The following HK1 variants were observed in gnomAD, a reference collection of about 807,000 sequenced individuals.
HK1 encodes hexokinase 1.
A neutral mutation model predicts 91.6 loss-of-function variants in HK1; 28 were observed. The ratio of observed to expected loss-of-function variants is 0.31; its 90% confidence interval spans 0.23 to 0.42. HK1 has a LOEUF of 0.42. Among genes scored for constraint, HK1 ranks in the 10% least tolerant of loss-of-function variants. HK1 has a pLI of 1.00. For missense variants in HK1, 770 were observed against 1,219.8 expected (o/e 0.63, Z 5.49); for synonymous variants, 430 against 468.1 (o/e 0.92, Z 1.05).
chr10:69,304,088 G>A (rs1198970001), intron 5 of HK1, among the ~76,000 whole-genome samples: 1 of 152,094 alleles, frequency 6.6e-6, no homozygotes, highest in Non-Finnish European at 1.5e-5. Flanking sequence ...CTTTACAATA[G>A]TGATGTAATC....
intron 7 of HK1, among the ~76,000 whole-genome samples, chr10:69,374,169 C>A (rs73267653): frequency 0.039 from 5,945 of 152,262 alleles, 354 homozygotes; most frequent in African/African-American, 0.13. Flanking sequence ...TGGAATCTCT[C>A]GGCAGCTCCG....
intron 1 of HK1, chr10:69,278,662 T>C (rs1330508802): frequency 6.6e-6 from 1 of 152,230 alleles, no homozygotes; most frequent in Admixed American, 6.5e-5. Context: ...ACTGTGGTAG[T>C]CCTGGTGCCC....
intron 2 of HK1, among the ~76,000 whole-genome samples, chr10:69,348,202 TA>T (rs1212304665): frequency 3.1e-4 from 46 of 149,466 alleles, no homozygotes; most frequent in Admixed American, 9.4e-4. Flanking sequence ...AAAGGAGAAG[TA>T]AAAAAAAAAA....
intron 2 of HK1, among the ~76,000 whole-genome samples, chr10:69,353,617 CCA>C (rs1491510150): frequency 3.1e-5 from 3 of 97,138 alleles, no homozygotes; most frequent in African/African-American, 1.2e-4. Context: ...ACAAACAAAA[CCA>C]AAAAAAAAAA....
rs779550411 is a variant in HK1 at position 69,324,450 on chromosome 10, G to A, written c.63+5440G>A. On this transcript the variant is annotated intron_variant, in intron 1 of 17. Transcript: ENST00000359426. ...TACTAAAAATACAAAAAAGGTGCCA[G>A]ATGTGGTGGCTCATGCCTGTAGTCC... Among the ~76,000 whole-genome samples the A allele has an allele frequency of 1.3e-3, 192 of 152,116 alleles. 1 individual carries two copies. Among genetic ancestry groups the A allele is most frequent in the Non-Finnish European group, 1.7e-3 (113 of 68,026 alleles).
At chr10:69,274,141 T>C (rs1844321311) in intron 1 of HK1, among the ~76,000 whole-genome samples, 1 of 152,148 alleles carries the variant, frequency 6.6e-6, no homozygotes, top group Non-Finnish European at 1.5e-5. Context: ...CTGGATCAGT[T>C]CACTTTTCGT....
In HK1 at chr10:69,296,135, T is replaced by C. The variant is rs190022342; in HGVS notation, c.-67+455T>C. On this transcript the variant is annotated intron_variant, in intron 4 of 21. Transcript: ENST00000360289. ...AGATCTTTCCTGTCGACATATCCCA[T>C]TTAGCCCCAAATCAAAGAGTTTCCT... 30 of 194,240 alleles carry C rather than the reference T, an allele frequency of 1.5e-4. No individual in the cohort carries two copies. The East Asian group carries it at 3.5e-3, about 23-fold the overall frequency. The allele number at this position is 194,240 out of a possible 1,614,324, so 12.0% of individuals were successfully genotyped here.
At chr10:69,296,113 T>A (rs1454090965) in intron 4 of HK1, 1 of 206,406 alleles carries the variant, frequency 4.8e-6, no homozygotes, top group Non-Finnish European at 9.9e-6. Context: ...AAGTTTCAGA[T>A]CTTTCCTGTC....
Position 69,382,798 on chromosome 10 carries a change from G to A in HK1, c.1570+7G>A. The A allele has an allele frequency of 1.2e-6, 2 of 1,608,526 alleles. No individual in the cohort carries two copies. The highest frequency in any genetic ancestry group is 8.5e-7 in the Non-Finnish European group (1 of 1,178,428). ...AGAACTCCCGACGGGACCGGTGAGG[G>A]CCTGCTGGGGGCTGACATGCCTGTC... On this transcript the variant is annotated splice_region_variant and intron_variant, in intron 10 of 17. Coordinates refer to ENST00000359426, the MANE Select transcript of HK1 (RefSeq NM_000188.3).
chr10:69,319,122 A>T (rs1196363113), intron 1 of HK1, 112 bp downstream of exon 1: 1 of 1,273,776 alleles, frequency 7.9e-7, no homozygotes, highest in African/African-American at 1.5e-5. Flanking sequence ...CCGGGCCAGC[A>T]TCGAGTTGGA....
chr10:69,313,202 A>T (rs1846459304), upstream of HK1, among the ~76,000 whole-genome samples: 1 of 152,192 alleles, frequency 6.6e-6, no homozygotes, highest in East Asian at 1.9e-4. Flanking sequence ...AATTCCCATT[A>T]TTAGGAGCTG....
Position 69,380,376 on chromosome 10 carries a change from G to A in HK1, c.1265+281G>A, listed in dbSNP as rs989925548. 1.3e-5 allele frequency among the ~76,000 whole-genome samples: 2 copies of A among 152,138 alleles called. No individual in the cohort carries two copies. The highest frequency in any genetic ancestry group is 2.4e-5 in the African/African-American group (1 of 41,442). Reference sequence around the variant, plus strand: ...GCTTAGTTCTGGGCATAAGGTCAGCGTCGCCCCCTTGGGAAGTATCGCCCT... The same window carrying A: ...GCTTAGTTCTGGGCATAAGGTCAGCATCGCCCCCTTGGGAAGTATCGCCCT... On this transcript the variant is annotated intron_variant, in intron 9 of 17. Coordinates refer to ENST00000359426, the MANE Select transcript of HK1 (RefSeq NM_000188.3). The surrounding 1 kb of genome is among the most constrained non-coding windows in gnomAD (Gnocchi z 4.0).
At chr10:69,371,854 A>G (rs564565313) in intron 7 of HK1, among the ~76,000 whole-genome samples, 1 of 152,258 alleles carries the variant, frequency 6.6e-6, no homozygotes, top group Admixed American at 6.5e-5. Flanking sequence ...GATGGATGAG[A>G]GATGAGTGGG....
chr10:69,318,824 GGGAGGAGCCGGGGGAGGAGGAGGA>G (rs1846815723), exon 1 of HK1: 3 of 1,435,558 alleles, frequency 2.1e-6, no homozygotes, highest in African/African-American at 1.5e-5. Context: ...CGGGCCGAGG[GGGAGGAGCCGGGGGAGGAGGAGGA>G]GGAGGAGCCG....
chr10:69,329,307 C>T (rs1405571465), intron 1 of HK1, among the ~76,000 whole-genome samples: 3 of 151,986 alleles, frequency 2.0e-5, no homozygotes, highest in Non-Finnish European at 4.4e-5. Flanking sequence ...GGACTATAGG[C>T]GCATGCCACC....
rs114180147 is a variant in HK1, at chr10:69,326,863, G to A, written c.63+7853G>A. Among the ~76,000 whole-genome samples, 912 of 152,058 alleles carry A rather than the reference G, an allele frequency of 6.0e-3. 8 individuals are homozygous for A. The highest frequency in any genetic ancestry group is 0.031 in the Middle Eastern group (9 of 292). ...TTTATCTTTTCATGCATGTTTTTAC[G>A]CTTTTATTACATATGCATATGTCTA... On this transcript the variant is annotated intron_variant, in intron 1 of 17. Transcript: ENST00000359426.
At chr10:69,321,811 C>T (rs537381739) in intron 1 of HK1, among the ~76,000 whole-genome samples, 64 of 152,218 alleles carry the variant, frequency 4.2e-4, no homozygotes, top group African/African-American at 1.5e-3. Flanking sequence ...ATTATCCAGA[C>T]GGCATCTGCA....
chr10:69,305,501 G>C (rs958871421), intron 5 of HK1, among the ~76,000 whole-genome samples: 2 of 151,900 alleles, frequency 1.3e-5, no homozygotes, highest in African/African-American at 4.8e-5. Context: ...TGTCTCTCCC[G>C]ATCAGAATGT....
chr10:69,352,459 C>T (rs73267635), intron 2 of HK1, among the ~76,000 whole-genome samples: 10,956 of 152,252 alleles, frequency 0.072, 700 homozygotes, highest in African/African-American at 0.16. Flanking sequence ...CTTGTTCTCT[C>T]TCTTTCCTTT....
Sources: gnomAD v4.1 joint callset for allele counts (sites outside exome capture counted in the v4.1 genomes callset) on GRCh38, gnomAD v4.1.1 for gene constraint, Gnocchi (gnomAD v3.1) non-coding constraint, MANE v1.5 for transcripts, NCBI Gene and HGNC (gene_info 2026-07-23, HGNC 2026-07-21) for gene names.